The following HPSE2 variants were observed in gnomAD, a reference collection of about 807,000 sequenced individuals.
The protein encoded by HPSE2 is inactive heparanase-2.
Under a neutral mutation model 60.5 loss-of-function variants are expected in HPSE2, and 38 were observed. The observed-to-expected ratio is 0.63, with a 90% CI of 0.48 to 0.82. The LOEUF (loss-of-function observed/expected upper bound fraction) is 0.82. Ranked by LOEUF, HPSE2 falls within the 40% of genes least tolerant of loss-of-function variation. The pLI, the probability that HPSE2 is intolerant of heterozygous loss-of-function variation, is 0.00. For synonymous variants in HPSE2, 295 were observed against 293.2 expected (o/e 1.01, Z -0.06); for missense variants, 713 against 740.4 (o/e 0.96, Z 0.43).
chr10:98,718,675 C>T (rs1040112470), intron 5 of HPSE2, among the ~76,000 whole-genome samples: 2 of 152,032 alleles, frequency 1.3e-5, no homozygotes, highest in Non-Finnish European at 2.9e-5. Context: ...TTAAGTGAAA[C>T]AAGCCAGGCA....
rs566183397 is a variant in HPSE2, at chr10:98,996,131, A to G, written c.610+148107T>C. The stretch of plus-strand genomic sequence containing the variant: ...CTAAGGAAACTTAAATAAAATCTAC[A>G]GATTGGTTAATGATATTATAACAAT... On this transcript the variant is annotated intron_variant, in intron 3 of 11. Transcript: ENST00000370552. Among the ~76,000 whole-genome samples the G allele has an allele frequency of 3.3e-5, 5 of 152,330 alleles. No individual in the cohort carries two copies. The East Asian group carries it at 7.7e-4, about 24-fold the overall frequency.
the HPSE2 span, among the ~76,000 whole-genome samples, chr10:99,292,858 C>T: frequency 6.6e-6 from 1 of 152,082 alleles, no homozygotes; most frequent in African/African-American, 2.4e-5. Context: ...TTGGATGGTA[C>T]AGATCTAGAG....
intron 9 of HPSE2, among the ~76,000 whole-genome samples, chr10:98,603,000 A>G (rs1326223006): frequency 6.6e-6 from 1 of 152,202 alleles, no homozygotes; most frequent in African/African-American, 2.4e-5. Context: ...AAAAGACAAC[A>G]CACAGATTAT....
chr10:99,255,968 G>A, the HPSE2 span, among the ~76,000 whole-genome samples: 1 of 152,170 alleles, frequency 6.6e-6, no homozygotes, highest in African/African-American at 2.4e-5. Context: ...TTACAATCAT[G>A]GCAGAAGGCG....
At chr10:98,724,965 A>G (rs1565112986) in intron 4 of HPSE2, among the ~76,000 whole-genome samples, 1 of 152,146 alleles carries the variant, frequency 6.6e-6, no homozygotes, top group Non-Finnish European at 1.5e-5. Context: ...AGAACTACAA[A>G]CCACTGCTCA....
chr10:99,240,772 C>T (rs1490753274), upstream of HPSE2, among the ~76,000 whole-genome samples: 2 of 152,182 alleles, frequency 1.3e-5, no homozygotes, highest in Non-Finnish European at 2.9e-5. Flanking sequence ...GTCACAAACT[C>T]ATTAATTCTA....
intron 3 of HPSE2, among the ~76,000 whole-genome samples, chr10:98,959,461 A>G (rs1564691573): frequency 6.6e-6 from 1 of 152,076 alleles, no homozygotes; most frequent in Non-Finnish European, 1.5e-5. Context: ...CTAGCTCATA[A>G]ATAAATAACA....
chr10:99,305,979 G>GCGCGCGCACACACACACACA, the HPSE2 span, among the ~76,000 whole-genome samples: 141 of 80,562 alleles, frequency 1.8e-3, 2 homozygotes, highest in Middle Eastern at 6.8e-3. Flanking sequence ...GCGCGCGCGC[G>GCGCGCGCACACACACACACA]CACACACACA....
intron 3 of HPSE2, among the ~76,000 whole-genome samples, chr10:98,835,548 T>C (rs1237294954): frequency 6.6e-6 from 1 of 152,146 alleles, no homozygotes; most frequent in Non-Finnish European, 1.5e-5. Flanking sequence ...TCTCTTGACC[T>C]AAGTGCTGGT....
intron 9 of HPSE2, among the ~76,000 whole-genome samples, chr10:98,568,471 T>A (rs1242275620): frequency 2.6e-5 from 4 of 152,132 alleles, no homozygotes; most frequent in African/African-American, 9.7e-5. Context: ...CTAGGAGGGA[T>A]GGGTAGACAA....
chr10:99,168,602 GCTAT>G (rs1208383508), intron 2 of HPSE2, among the ~76,000 whole-genome samples: 3 of 152,074 alleles, frequency 2.0e-5, no homozygotes, highest in African/African-American at 7.2e-5. Context: ...ACTCTGGTAG[GCTAT>G]CTTTCTTAGC....
chr10:98,845,005 G>A (rs1004176512), intron 3 of HPSE2, among the ~76,000 whole-genome samples: 5 of 152,174 alleles, frequency 3.3e-5, no homozygotes, highest in African/African-American at 1.2e-4. Context: ...CCATTAAGAT[G>A]TTAATTTCCT....
At position 99,021,456 on chromosome 10, in the gene HPSE2, C is replaced by A. The variant is rs191134484; in HGVS notation, c.610+122782G>T. ...AATATAAATCTGATTCACTTCAAAG[C>A]TCATGTTCCTGGTCACCATATTTAT... On this transcript the variant is annotated intron_variant, in intron 3 of 11. Coordinates refer to ENST00000370552, the MANE Select transcript of HPSE2 (RefSeq NM_021828.5). Among the ~76,000 whole-genome samples, 34 of 152,230 alleles carry A rather than the reference C, an allele frequency of 2.2e-4. No homozygotes were observed. In the East Asian group the frequency reaches 6.6e-3, roughly 29 times the overall value.
chr10:98,816,246 G>GTT lies in HPSE2; in HGVS notation c.611-72192_611-72191dup, dbSNP rs555541884. ...AAGAAGCAGCCATTACAATCTACAGGTTTTTGTTTGTTTTTTGTTTTTTTG... is the reference window on the plus strand; with the variant it reads ...AAGAAGCAGCCATTACAATCTACAGGTTTTTTTGTTTGTTTTTTGTTTTTTTG... On this transcript the variant is annotated intron_variant, in intron 3 of 11. Transcript: ENST00000370552. Among the ~76,000 whole-genome samples the GTT allele has an allele frequency of 2.6e-5, 4 of 151,904 alleles. No homozygotes were observed. The South Asian group carries it at 6.2e-4, about 24-fold the overall frequency.
At chr10:99,052,357 C>G (rs1958009923) in intron 3 of HPSE2, among the ~76,000 whole-genome samples, 1 of 149,474 alleles carries the variant, frequency 6.7e-6, no homozygotes, top group East Asian at 2.0e-4. Flanking sequence ...GAAAACAGAA[C>G]AATAGAACAA....
At chr10:99,116,444 G>A (rs569635356) in intron 3 of HPSE2, among the ~76,000 whole-genome samples, 3 of 152,098 alleles carry the variant, frequency 2.0e-5, no homozygotes, top group South Asian at 2.1e-4. Flanking sequence ...TGACACCCTC[G>A]AAGACAATGA....
chr10:98,465,834 T>C (rs1940505653), intron 11 of HPSE2, among the ~76,000 whole-genome samples: 1 of 152,266 alleles, frequency 6.6e-6, no homozygotes, highest in South Asian at 2.1e-4. Flanking sequence ...GCTGAGGGTA[T>C]TTAAATTATC....
At chr10:98,508,966 C>G (rs1007046463) in intron 9 of HPSE2, among the ~76,000 whole-genome samples, 1 of 152,274 alleles carries the variant, frequency 6.6e-6, no homozygotes, top group East Asian at 1.9e-4. Flanking sequence ...ATTCAATTTA[C>G]TTTTAGCAAG....
At chr10:99,005,584 A>G (rs970439455) in intron 3 of HPSE2, among the ~76,000 whole-genome samples, 1 of 151,732 alleles carries the variant, frequency 6.6e-6, no homozygotes, top group Admixed American at 6.6e-5. Context: ...TTTTTTCTGT[A>G]TTTTCTTTAA....
Sources: gnomAD v4.1 joint callset for allele counts (sites outside exome capture counted in the v4.1 genomes callset) on GRCh38, gnomAD v4.1.1 for gene constraint, MANE v1.5 for transcripts, NCBI Gene and HGNC (gene_info 2026-07-23, HGNC 2026-07-21) for gene names.